Variants in THTPA observed in about 807,000 individuals in gnomAD.
THTPA encodes thiamine-triphosphatase.
In THTPA, 16 loss-of-function variants were observed where a neutral mutation model predicts 16.5. The ratio of observed to expected loss-of-function variants is 0.97; its 90% CI spans 0.66 to 1.47. THTPA has a LOEUF of 1.47. Among genes scored for constraint, THTPA ranks in the 40% most tolerant of loss-of-function variants. The probability of loss-of-function intolerance (pLI) is 0.00; values close to 1 mark genes in which losing one functional copy is unlikely to be tolerated. For synonymous variants in THTPA, 110 were observed against 115.5 expected, an observed-to-expected ratio of 0.95 and a Z score of 0.30; for missense variants, 281 against 280.9, an observed-to-expected ratio of 1.00 and a Z score of 0.00.
chr14:23,531,754 A>G, the THTPA span: 1 of 1,306,832 alleles, frequency 7.7e-7, no homozygotes, highest in African/African-American at 1.5e-5. Flanking sequence ...GCTCAGGCCC[A>G]GAAGGGACAT....
At chr14:23,549,274 C>T in the THTPA span, among the ~76,000 whole-genome samples, 2 of 152,154 alleles carry the variant, frequency 1.3e-5, no homozygotes, top group Non-Finnish European at 2.9e-5. Flanking sequence ...ACATCCCTCA[C>T]GTCATACATT....
At chr14:23,532,686 C>T in the THTPA span, 3 of 1,527,600 alleles carry the variant, frequency 2.0e-6, no homozygotes, top group Non-Finnish European at 1.8e-6. Flanking sequence ...GAGACAGACC[C>T]ATAAGGAGCC....
At chr14:23,524,801 A>ACCTCTTCCTCCTCTTCCCCTCTCTCTG in the THTPA span, 3 of 1,535,794 alleles carry the variant, frequency 2.0e-6, no homozygotes, top group South Asian at 3.6e-5. This position sits in a 1 kb window ranked among gnomAD's most constrained non-coding sequence, Gnocchi z 5.6. Context: ...TTCTTCTTCC[A>ACCTCTTCCTCCTCTTCCCCTCTCTCTG]CCTCTTCCTC....
chr14:23,513,910 G>A, the THTPA span: 1 of 152,558 alleles, frequency 6.6e-6, no homozygotes, highest in Admixed American at 6.5e-5. Context: ...GTGGTGGAGA[G>A]AGTAGCCAGG....
chr14:23,524,386 G>A, the THTPA span: 37 of 1,536,040 alleles, frequency 2.4e-5, no homozygotes, highest in Middle Eastern at 6.7e-4. This position sits in a 1 kb window ranked among gnomAD's most constrained non-coding sequence, Gnocchi z 5.6. Context: ...TGGGGGGCTC[G>A]CCCTCCCCTC....
the THTPA span, chr14:23,523,797 T>A: frequency 6.5e-7 from 1 of 1,536,214 alleles, no homozygotes; most frequent in Non-Finnish European, 8.7e-7. The surrounding 1 kb of genome is among the most constrained non-coding windows in gnomAD (Gnocchi z 4.1). Flanking sequence ...CCCCCACTGG[T>A]CCCTCCAGCC....
chr14:23,512,416 G>C, the THTPA span, among the ~76,000 whole-genome samples: 1 of 152,098 alleles, frequency 6.6e-6, no homozygotes, highest in Non-Finnish European at 1.5e-5. Context: ...TGTGCGGCTG[G>C]GGGTGGGGAA....
chr14:23,556,831 T>G lies in THTPA; in HGVS notation c.74T>G (p.Leu25Trp). The G allele has an allele frequency of 1.2e-6, 2 of 1,613,310 alleles. No homozygotes were observed. The highest frequency in any genetic ancestry group is 1.7e-6 in the Non-Finnish European group (2 of 1,179,680). The change falls in exon 1 of 2, where the codon TTG becomes TGG. Residue 25 changes from leucine (L) to tryptophan (W), a missense_variant. Physicochemically the swap from Leu to Trp is moderately conservative, Grantham distance 61. Coordinates refer to ENST00000288014, the MANE Select transcript of THTPA (RefSeq NM_024328.6). ...GPGTEERLQE[L>W]GGTLEYRVTF... ...GGCACAGAGGAGCGGCTGCAGGAGT[T>G]GGGGGGCACCCTGGAGTACCGGGTC...
At chr14:23,531,388 C>A in the THTPA span, 1 of 1,328,544 alleles carries the variant, frequency 7.5e-7, no homozygotes, top group Non-Finnish European at 9.6e-7. Flanking sequence ...CCCTCTTCGC[C>A]TTCCTTGTAT....
the THTPA span, chr14:23,524,417 G>T: frequency 2.0e-6 from 3 of 1,536,230 alleles, no homozygotes; most frequent in Middle Eastern, 3.3e-4. This position sits in a 1 kb window ranked among gnomAD's most constrained non-coding sequence, Gnocchi z 5.6. Flanking sequence ...TTCACTGCCT[G>T]TGGGAGACAA....
chr14:23,523,120 A>G, the THTPA span: 1 of 1,400,332 alleles, frequency 7.1e-7, no homozygotes. This position sits in a 1 kb window ranked among gnomAD's most constrained non-coding sequence, Gnocchi z 4.1. Context: ...TGGGCATGGG[A>G]AGAATCAGGA....
At chr14:23,540,689 C>T in the THTPA span, among the ~76,000 whole-genome samples, 7 of 152,342 alleles carry the variant, frequency 4.6e-5, no homozygotes, top group South Asian at 2.1e-4. Context: ...TGGGAAATTA[C>T]GTATTGAGCC....
At chr14:23,523,143 G>A in the THTPA span, 3 of 1,404,928 alleles carry the variant, frequency 2.1e-6, no homozygotes, top group Non-Finnish European at 1.8e-6. The surrounding 1 kb of genome is among the most constrained non-coding windows in gnomAD (Gnocchi z 4.1). Context: ...GAAAAGGAAG[G>A]GCATGTCATT....
chr14:23,532,080 G>C, the THTPA span: 1 of 183,142 alleles, frequency 5.5e-6, no homozygotes, highest in Non-Finnish European at 1.1e-5. Context: ...CTAGCCTCAG[G>C]GGACTTCTTT....
At chr14:23,521,905 T>C in the THTPA span, 44 of 1,530,220 alleles carry the variant, frequency 2.9e-5, 1 homozygote, top group East Asian at 1.1e-3. Flanking sequence ...CGAACACCCC[T>C]TGGGGTAAAA....
the THTPA span, chr14:23,543,354 A>G: frequency 6.6e-6 from 1 of 152,146 alleles, no homozygotes; most frequent in Non-Finnish European, 1.5e-5. Context: ...TGAGATTGGA[A>G]CTCAGGTAGC....
At chr14:23,534,057 A>T in the THTPA span, 1 of 1,530,702 alleles carries the variant, frequency 6.5e-7, no homozygotes, top group Non-Finnish European at 8.7e-7. This position sits in a 1 kb window ranked among gnomAD's most constrained non-coding sequence, Gnocchi z 4.5. Context: ...GGGTGTAGTC[A>T]TCAGCTAGGC....
chr14:23,533,724 G>T, the THTPA span: 4 of 1,550,464 alleles, frequency 2.6e-6, no homozygotes, highest in African/African-American at 2.7e-5. The surrounding 1 kb of genome is among the most constrained non-coding windows in gnomAD (Gnocchi z 4.8). Context: ...CCTGTAGGTT[G>T]GCCAGGTGCT....
At position 23,558,746 on chromosome 14, in the gene THTPA, G is replaced by A. The variant is rs149980003; in HGVS notation, c.599G>A (p.Arg200His). The change falls in exon 2 of 2, where the codon CGT becomes CAT. Residue 200 changes from arginine (R) to histidine (H), a missense_variant. Physicochemically the swap from Arg to His is conservative, Grantham distance 29. Transcript: ENST00000288014. ...APAKLIVYLQ[R>H]FRPQDYQRLL... ...GCCAAGCTGATTGTGTATCTACAGC[G>A]TTTCCGGCCTCAAGACTATCAGCGC... is the stretch of plus-strand genomic sequence containing the variant. 63 of 1,614,104 alleles carry A rather than the reference G, an allele frequency of 3.9e-5. No individual in the cohort carries two copies. Among genetic ancestry groups the A allele is most frequent in the African/African-American group, 3.2e-4 (24 of 74,930 alleles).
Sources: allele counts gnomAD v4.1 joint callset (sites outside exome capture counted in the v4.1 genomes callset), GRCh38; gene constraint gnomAD v4.1.1; non-coding constraint Gnocchi (gnomAD v3.1); transcripts MANE v1.5; gene names NCBI Gene and HGNC (gene_info 2026-07-23, HGNC 2026-07-21).